CRACR2A: variants seen among roughly 807,000 people sequenced by gnomAD.
The protein encoded by CRACR2A is EF-hand calcium-binding domain-containing protein 4B.
A neutral mutation model predicts 90.5 loss-of-function variants in CRACR2A; 79 were observed. The ratio of observed to expected loss-of-function variants is 0.87; its 90% CI spans 0.73 to 1.05. The LOEUF is 1.05. CRACR2A is among the 50% of genes least tolerant of loss of function. The probability of loss-of-function intolerance (pLI) is 0.00; values close to 1 mark genes in which losing one functional copy is unlikely to be tolerated. For missense variants in CRACR2A, 823 were observed against 897.2 expected (o/e 0.92, Z 1.06); for synonymous variants, 338 against 356.7 (o/e 0.95, Z 0.59).
intron 8 of CRACR2A, among the ~76,000 whole-genome samples, chr12:3,659,128 G>T (rs946066540): frequency 2.6e-5 from 4 of 152,208 alleles, no homozygotes; most frequent in African/African-American, 9.7e-5. Flanking sequence ...CTGGGCTGGT[G>T]CATTTGGGTG....
chr12:3,723,146 T>A (rs1946209453), intron 2 of CRACR2A, among the ~76,000 whole-genome samples: 1 of 152,224 alleles, frequency 6.6e-6, no homozygotes, highest in South Asian at 2.1e-4. Flanking sequence ...GCCCGGGGAC[T>A]ATCTGTCTTG....
chr12:3,677,442 C>T (rs1192317422), intron 6 of CRACR2A, among the ~76,000 whole-genome samples: 1 of 148,480 alleles, frequency 6.7e-6, no homozygotes, highest in African/African-American at 2.5e-5. Context: ...TTCTGCACTG[C>T]CTTACTATAG....
Position 3,643,778 on chromosome 12 carries a change from T to TTATATAATATATA in CRACR2A, c.1164+816_1164+817insTATATATTATATA, listed in dbSNP as rs1565470775. Among the ~76,000 whole-genome samples the TTATATAATATATA allele has an allele frequency of 7.8e-5, 9 of 115,482 alleles. No homozygotes were observed. In the East Asian group the frequency reaches 1.7e-3, roughly 21 times the overall value. The allele number at this position is 115,482 out of a possible 152,430, so 75.8% of individuals were successfully genotyped here. ...ATGCACACAGACTATATATATATAG[T>TTATATAATATATA]TTATATATATATTTATATAATATAT... On this transcript the variant is annotated intron_variant, in intron 12 of 19. Transcript: ENST00000440314.
At chr12:3,683,787 A>T (rs1310422561) in intron 4 of CRACR2A, among the ~76,000 whole-genome samples, 1 of 152,212 alleles carries the variant, frequency 6.6e-6, no homozygotes, top group Admixed American at 6.5e-5. Context: ...CTATTTAGAT[A>T]AGTGTTGAAG....
At chr12:3,727,489 C>A (rs1036714533) in intron 2 of CRACR2A, 2 of 152,208 alleles carry the variant, frequency 1.3e-5, no homozygotes, top group African/African-American at 4.8e-5. Flanking sequence ...CAGACCTGCG[C>A]ATGGGTTCCT....
chr12:3,649,999 T>G (rs955013647), intron 10 of CRACR2A, among the ~76,000 whole-genome samples: 4 of 152,212 alleles, frequency 2.6e-5, no homozygotes, highest in Non-Finnish European at 4.4e-5. Context: ...GTCTTCATTT[T>G]TCCTTCTGTG....
intron 3 of CRACR2A, among the ~76,000 whole-genome samples, chr12:3,704,915 A>T (rs1364486738): frequency 6.6e-6 from 1 of 152,232 alleles, no homozygotes; most frequent in Non-Finnish European, 1.5e-5. Context: ...GTCTTTGCTG[A>T]GCGTCTGTGG....
At chr12:3,703,292 A>G (rs1249996868) in intron 3 of CRACR2A, among the ~76,000 whole-genome samples, 1 of 152,126 alleles carries the variant, frequency 6.6e-6, no homozygotes, top group Non-Finnish European at 1.5e-5. Flanking sequence ...GTTTCACCAT[A>G]GCCAGGATGG....
chr12:3,691,028 T>C (rs1350840500), intron 4 of CRACR2A, among the ~76,000 whole-genome samples: 1 of 152,238 alleles, frequency 6.6e-6, no homozygotes, highest in Non-Finnish European at 1.5e-5. Context: ...TCCCTATATT[T>C]TGAGCCTATG....
rs529008694 is a variant in CRACR2A at position 3,715,938 on chromosome 12, A to ACT, written c.-117-2623_-117-2622dup. ...AGAAGTCAGAAGGAGCAAAATCAGAACTGTACAGTGGATGCCTGATGATTT... is the reference window on the plus strand; with the variant it reads ...AGAAGTCAGAAGGAGCAAAATCAGAACTCTGTACAGTGGATGCCTGATGATTT... On this transcript the variant is annotated intron_variant, in intron 2 of 19. Coordinates refer to ENST00000440314, the MANE Select transcript of CRACR2A (RefSeq NM_001144958.2). Among the ~76,000 whole-genome samples, 571 of 152,312 alleles carry ACT rather than the reference A, an allele frequency of 3.7e-3. 4 individuals carry two copies. Among genetic ancestry groups the ACT allele is most frequent in the Middle Eastern group, 6.8e-3 (2 of 294 alleles).
chr12:3,686,153 A>G (rs1945549320), intron 4 of CRACR2A, among the ~76,000 whole-genome samples: 1 of 152,168 alleles, frequency 6.6e-6, no homozygotes, highest in African/African-American at 2.4e-5. Context: ...GAGGATTAAA[A>G]CCCAAGTTAA....
chr12:3,735,214 A>G (rs1225830776), intron 1 of CRACR2A, among the ~76,000 whole-genome samples: 1 of 152,210 alleles, frequency 6.6e-6, no homozygotes, highest in East Asian at 1.9e-4. Context: ...ACCTCAATAA[A>G]GCTGGAAGAA....
At chr12:3,720,263 AAGAAAGAAAGAGAGAG>A (rs1946138646) in intron 2 of CRACR2A, among the ~76,000 whole-genome samples, 1 of 141,784 alleles carries the variant, frequency 7.1e-6, no homozygotes, top group Non-Finnish European at 1.5e-5. Context: ...GAGGGAAGGA[AAGAAAGAAAGAGAGAG>A]AGAAAGAAAG....
chr12:3,708,309 AC>A (rs1218826258), intron 3 of CRACR2A, among the ~76,000 whole-genome samples: 1 of 152,112 alleles, frequency 6.6e-6, no homozygotes, highest in Non-Finnish European at 1.5e-5. Context: ...ACTTTAGAAC[AC>A]TTTTCTGGGG....
chr12:3,733,694 C>T (rs1192167149), intron 1 of CRACR2A, among the ~76,000 whole-genome samples: 5 of 152,150 alleles, frequency 3.3e-5, no homozygotes, highest in Admixed American at 3.3e-4. Flanking sequence ...ACCCTTCCTC[C>T]AGACTTCTTA....
At chr12:3,619,080 G>A (rs1266411470) in intron 18 of CRACR2A, among the ~76,000 whole-genome samples, 191 bp downstream of exon 18, 1 of 152,174 alleles carries the variant, frequency 6.6e-6, no homozygotes, top group Non-Finnish European at 1.5e-5. Flanking sequence ...CTTGCAACCT[G>A]TGGCTTTCTA....
At chr12:3,658,256 G>A (rs917448956) in intron 8 of CRACR2A, among the ~76,000 whole-genome samples, 6 of 152,040 alleles carry the variant, frequency 3.9e-5, no homozygotes, top group South Asian at 2.1e-4. Context: ...CCAAAATCAC[G>A]TCTTTTCCTT....
chr12:3,721,078 C>T (rs1946163629), intron 2 of CRACR2A, among the ~76,000 whole-genome samples: 1 of 152,138 alleles, frequency 6.6e-6, no homozygotes, highest in Admixed American at 6.5e-5. Context: ...CATGAGAATG[C>T]CTGAGTTTTA....
chr12:3,696,870 G>C lies in CRACR2A; in HGVS notation c.130C>G (p.Gln44Glu). The change falls in exon 4 of 20, where the codon CAA (glutamine) becomes GAA (glutamate). Residue 44 changes from glutamine (Q) to glutamate (E), a missense_variant. Transcript: ENST00000440314. ...DSLEQKETQE[Q>E]TSGQLVMLRK... Reference sequence around the variant, plus strand: ...AGCATGACTAGCTGGCCCGACGTTTGCTCCTGAGTCTCCTTCTGCTCCAGG... The same window carrying C: ...AGCATGACTAGCTGGCCCGACGTTTCCTCCTGAGTCTCCTTCTGCTCCAGG... The C allele has an allele frequency of 6.2e-7, 1 of 1,614,222 alleles. No homozygotes were observed.
Sources: allele counts gnomAD v4.1 joint callset (sites outside exome capture counted in the v4.1 genomes callset), GRCh38; gene constraint gnomAD v4.1.1; transcripts MANE v1.5; gene names NCBI Gene and HGNC (gene_info 2026-07-23, HGNC 2026-07-21).